Variants in MTCL2 observed in about 807,000 individuals in gnomAD.
MTCL2 encodes microtubule cross-linking factor 2.
chr20:36,789,312 T>G, the MTCL2 span, among the ~76,000 whole-genome samples: 1 of 152,176 alleles, frequency 6.6e-6, no homozygotes, highest in Non-Finnish European at 1.5e-5. Context: ...TGCCGAGATA[T>G]TACGTAAAAC....
the MTCL2 span, chr20:36,797,571 C>A: frequency 6.4e-7 from 1 of 1,556,358 alleles, no homozygotes. Flanking sequence ...CAGCCTTCTG[C>A]AGCTGGGCAA....
the MTCL2 span, chr20:36,780,656 G>C: frequency 1.3e-5 from 2 of 152,160 alleles, no homozygotes; most frequent in Non-Finnish European, 2.9e-5. Context: ...AAGGAGACTC[G>C]CAGGCACAGT....
At chr20:36,808,523 T>A in the MTCL2 span, 9 of 1,595,408 alleles carry the variant, frequency 5.6e-6, no homozygotes, top group Non-Finnish European at 7.7e-6. Context: ...CTCGAGGAAG[T>A]CATCCCCTTC....
chr20:36,830,323 T>G, the MTCL2 span, among the ~76,000 whole-genome samples: 1 of 152,024 alleles, frequency 6.6e-6, no homozygotes, highest in Non-Finnish European at 1.5e-5. Context: ...TCCCACACTT[T>G]GAGAGGCCGA....
At chr20:36,787,885 G>GAAA in the MTCL2 span, among the ~76,000 whole-genome samples, 3 of 54,526 alleles carry the variant, frequency 5.5e-5, no homozygotes, top group African/African-American at 1.5e-4. Flanking sequence ...GACTCCATCT[G>GAAA]AAAAAAAAAA....
the MTCL2 span, among the ~76,000 whole-genome samples, chr20:36,858,017 C>G: frequency 1.3e-5 from 2 of 152,110 alleles, no homozygotes; most frequent in African/African-American, 2.4e-5. Context: ...TCCGGGCCCC[C>G]AGCATGCCTT....
chr20:36,862,991 A>C, the MTCL2 span: 1 of 1,408,144 alleles, frequency 7.1e-7, no homozygotes, highest in Non-Finnish European at 9.3e-7. Context: ...CCGAGCTGCT[A>C]TCCGTGAGGC....
At chr20:36,797,065 G>A in the MTCL2 span, 1 of 915,204 alleles carries the variant, frequency 1.1e-6, no homozygotes, top group East Asian at 2.4e-5. Flanking sequence ...CGGAGAGCAG[G>A]AATGATGTCA....
the MTCL2 span, chr20:36,786,176 GCTCT>G: frequency 1.1e-4 from 113 of 1,031,396 alleles, no homozygotes; most frequent in Non-Finnish European, 1.3e-4. Flanking sequence ...ACCAGGCAAG[GCTCT>G]CTCTTAGGAC....
the MTCL2 span, among the ~76,000 whole-genome samples, chr20:36,789,904 C>T: frequency 6.6e-6 from 1 of 151,652 alleles, no homozygotes; most frequent in African/African-American, 2.4e-5. Context: ...CTCACTGCCT[C>T]CTGGGTTCCA....
At chr20:36,838,456 G>A in the MTCL2 span, among the ~76,000 whole-genome samples, 4 of 152,136 alleles carry the variant, frequency 2.6e-5, no homozygotes, top group Non-Finnish European at 2.9e-5. Flanking sequence ...TTAGCCAGGT[G>A]TGGTGGTGTG....
At chr20:36,796,778 C>T in the MTCL2 span, 33 of 1,103,816 alleles carry the variant, frequency 3.0e-5, no homozygotes, top group Non-Finnish European at 3.7e-5. Context: ...GGCAGGGCTG[C>T]GGTGAAAGCA....
chr20:36,845,245 A>T, the MTCL2 span, among the ~76,000 whole-genome samples: 47,771 of 152,004 alleles, frequency 0.31, 8,162 homozygotes, highest in Middle Eastern at 0.42. Context: ...CCTTCTAGTT[A>T]TTTCCCCCCC....
chr20:36,794,868 A>G, the MTCL2 span: 1 of 499,384 alleles, frequency 2.0e-6, no homozygotes, highest in Non-Finnish European at 3.6e-6. The surrounding 1 kb of genome is among the most constrained non-coding windows in gnomAD (Gnocchi z 5.4). Flanking sequence ...TCCTGGGCTC[A>G]AGTGATCCTC....
chr20:36,814,250 GAAC>G, the MTCL2 span, among the ~76,000 whole-genome samples: 1 of 152,234 alleles, frequency 6.6e-6, no homozygotes, highest in South Asian at 2.1e-4. Context: ...AAAACTGTGT[GAAC>G]AACAGACAAG....
chr20:36,810,786 C>T, the MTCL2 span, among the ~76,000 whole-genome samples: 2 of 140,986 alleles, frequency 1.4e-5, no homozygotes, highest in East Asian at 2.2e-4. Flanking sequence ...TGAGCGTGAT[C>T]TTGGCTCACT....
At chr20:36,814,409 T>C in the MTCL2 span, among the ~76,000 whole-genome samples, 2 of 152,184 alleles carry the variant, frequency 1.3e-5, no homozygotes, top group Non-Finnish European at 2.9e-5. Context: ...GGATGAAATA[T>C]TCTAGATCCA....
At chr20:36,855,024 C>T in the MTCL2 span, among the ~76,000 whole-genome samples, 10 of 152,262 alleles carry the variant, frequency 6.6e-5, no homozygotes, top group African/African-American at 2.2e-4. Flanking sequence ...AAGCCAACAC[C>T]CACAGAGGGA....
the MTCL2 span, chr20:36,812,933 C>T: frequency 2.0e-5 from 30 of 1,470,990 alleles, no homozygotes; most frequent in East Asian, 4.4e-4. Flanking sequence ...CAGGCCTCTG[C>T]GCTCCCTAAG....
Sources: allele counts gnomAD v4.1 joint callset (sites outside exome capture counted in the v4.1 genomes callset), GRCh38; gene constraint gnomAD v4.1.1; non-coding constraint Gnocchi (gnomAD v3.1); transcripts MANE v1.5; gene names NCBI Gene and HGNC (gene_info 2026-07-23, HGNC 2026-07-21).